Variants in CSMD3 observed in about 807,000 individuals in gnomAD.
CSMD3 encodes CUB and sushi domain-containing protein 3.
In CSMD3, 177 loss-of-function variants were observed where a neutral mutation model predicts 435.2. The ratio of observed to expected loss-of-function variants is 0.41; its 90% CI spans 0.36 to 0.46. The LOEUF (loss-of-function observed/expected upper bound fraction) is 0.46, where lower values mean the gene tolerates loss of function less well. Among genes scored for constraint, CSMD3 ranks in the 20% least tolerant of loss-of-function variants. The pLI, the probability that CSMD3 is intolerant of heterozygous loss-of-function variation, is 0.34. For synonymous variants in CSMD3, 1,656 were observed against 1,520.5 expected, an observed-to-expected ratio of 1.09 and a Z score of -2.07; for missense variants, 4,265 against 4,504.6, an observed-to-expected ratio of 0.95 and a Z score of 1.52.
At chr8:112,837,735 C>T (rs995842444) in intron 11 of CSMD3, among the ~76,000 whole-genome samples, 1 of 151,192 alleles carries the variant, frequency 6.6e-6, no homozygotes, top group Non-Finnish European at 1.5e-5. Flanking sequence ...TTCCCCCAAA[C>T]TCTATGTTGC....
intron 22 of CSMD3, among the ~76,000 whole-genome samples, chr8:112,633,248 C>A (rs149640363): frequency 6.6e-6 from 1 of 151,968 alleles, no homozygotes; most frequent in Non-Finnish European, 1.5e-5. Context: ...GACAAGCATA[C>A]GAAGTTCTCT....
At chr8:113,264,379 G>A (rs904429613) in intron 3 of CSMD3, among the ~76,000 whole-genome samples, 4 of 147,076 alleles carry the variant, frequency 2.7e-5, no homozygotes, top group Non-Finnish European at 4.5e-5. Context: ...CAGTTGATAA[G>A]TATAACACAT....
chr8:112,316,049 T>C (rs1386974349), intron 47 of CSMD3, among the ~76,000 whole-genome samples: 1 of 151,840 alleles, frequency 6.6e-6, no homozygotes, highest in Non-Finnish European at 1.5e-5. Flanking sequence ...AAAGAGTAAC[T>C]AACATAGTGG....
intron 47 of CSMD3, among the ~76,000 whole-genome samples, chr8:112,316,973 C>T (rs757691787): frequency 1.1e-4 from 17 of 151,914 alleles, no homozygotes; most frequent in South Asian, 2.1e-4. Flanking sequence ...TAATTCTAGC[C>T]GATTCCAAAC....
At chr8:112,448,534 C>T (rs1366182802) in intron 32 of CSMD3, among the ~76,000 whole-genome samples, 2 of 152,132 alleles carry the variant, frequency 1.3e-5, no homozygotes, top group Non-Finnish European at 2.9e-5. Context: ...ATGCTAAGGA[C>T]AGCCAGCAAG....
rs780004283 is a variant in CSMD3 at position 112,954,813 on chromosome 8, G to T, written c.1343-52C>A. ...GTATCAGGAAATACAATTTTAAAATGAAATTCAAGTTAACAAATTTTGTTA... is the reference window on the plus strand; with the variant it reads ...GTATCAGGAAATACAATTTTAAAATTAAATTCAAGTTAACAAATTTTGTTA... On this transcript the variant is annotated intron_variant, in intron 7 of 70. Coordinates refer to ENST00000297405, the MANE Select transcript of CSMD3 (RefSeq NM_198123.2). 3 of 1,126,844 alleles carry T rather than the reference G, an allele frequency of 2.7e-6. No homozygotes were observed. The South Asian group carries it at 3.8e-5, about 14-fold the overall frequency. The allele number at this position is 1,126,844 out of a possible 1,614,324, so 69.8% of individuals were successfully genotyped here. A position where few individuals can be genotyped will look rare whatever the true frequency, so the allele number is the denominator to read the frequency against.
intron 38 of CSMD3, among the ~76,000 whole-genome samples, chr8:112,362,112 A>G (rs1827303699): frequency 6.6e-6 from 1 of 151,964 alleles, no homozygotes. Flanking sequence ...GAGTTGGTGT[A>G]CTATTAATAG....
intron 6 of CSMD3, among the ~76,000 whole-genome samples, chr8:113,009,895 TAGC>T (rs1290164043): frequency 3.3e-5 from 5 of 151,772 alleles, no homozygotes; most frequent in African/African-American, 1.2e-4. Context: ...AAACCTGTAA[TAGC>T]AGATGGTATT....
chr8:112,937,677 C>T (rs964942462), intron 9 of CSMD3, among the ~76,000 whole-genome samples: 1 of 151,888 alleles, frequency 6.6e-6, no homozygotes, highest in Non-Finnish European at 1.5e-5. Flanking sequence ...AGGTGCCATC[C>T]CAAAGAGGCC....
intron 63 of CSMD3, among the ~76,000 whole-genome samples, chr8:112,253,548 A>T (rs529039525): frequency 1.3e-5 from 2 of 152,134 alleles, no homozygotes; most frequent in South Asian, 2.1e-4. Flanking sequence ...CCGGCAACAC[A>T]GGGCAATTGG....
At chr8:112,422,138 G>A (rs1018274461) in intron 32 of CSMD3, among the ~76,000 whole-genome samples, 1 of 151,892 alleles carries the variant, frequency 6.6e-6, no homozygotes, top group African/African-American at 2.4e-5. Context: ...AAAACTTAAG[G>A]TCAAACACAA....
chr8:112,859,763 A>G (rs181429323), intron 10 of CSMD3, among the ~76,000 whole-genome samples: 64 of 151,830 alleles, frequency 4.2e-4, no homozygotes, highest in Admixed American at 3.5e-3. Flanking sequence ...AAAAAAAAGC[A>G]GTTACATTTA....
chr8:113,013,454 T>C (rs541681537), intron 6 of CSMD3, among the ~76,000 whole-genome samples: 54 of 152,078 alleles, frequency 3.6e-4, no homozygotes, highest in Middle Eastern at 3.2e-3. Context: ...CTATAAGAAA[T>C]CTTTAGAGAA....
chr8:113,073,722 A>C (rs748449311), intron 5 of CSMD3, among the ~76,000 whole-genome samples: 1 of 151,802 alleles, frequency 6.6e-6, no homozygotes. Context: ...TTTCAGTAAA[A>C]ATATAGAAAA....
At chr8:112,611,695 T>C (rs547016830) in intron 22 of CSMD3, among the ~76,000 whole-genome samples, 174 of 152,248 alleles carry the variant, frequency 1.1e-3, no homozygotes, top group African/African-American at 4.1e-3. Flanking sequence ...CAACAACACA[T>C]GTTGAGTCAT....
chr8:113,270,839 G>C (rs1027891432), intron 3 of CSMD3, among the ~76,000 whole-genome samples: 7 of 151,922 alleles, frequency 4.6e-5, no homozygotes, highest in African/African-American at 1.5e-4. Flanking sequence ...GTGGGAGGAG[G>C]GGGGAGGGAT....
At chr8:112,631,841 C>T (rs767728794) in intron 22 of CSMD3, among the ~76,000 whole-genome samples, 5 of 151,964 alleles carry the variant, frequency 3.3e-5, no homozygotes, top group Non-Finnish European at 5.9e-5. Context: ...TGGCATCATC[C>T]TTTCCAGAAA....
intron 5 of CSMD3, among the ~76,000 whole-genome samples, chr8:113,026,735 A>G (rs1350212228): frequency 6.6e-6 from 1 of 152,220 alleles, no homozygotes; most frequent in East Asian, 1.9e-4. Context: ...TTCAATTTAT[A>G]TTATTATTAA....
intron 3 of CSMD3, among the ~76,000 whole-genome samples, chr8:113,176,349 C>T (rs999671350): frequency 1.3e-5 from 2 of 152,006 alleles, no homozygotes; most frequent in Non-Finnish European, 2.9e-5. Flanking sequence ...AACCACTGCT[C>T]ATGGATTATA....
Sources: gnomAD v4.1 joint callset for allele counts (sites outside exome capture counted in the v4.1 genomes callset) on GRCh38, gnomAD v4.1.1 for gene constraint, MANE v1.5 for transcripts, NCBI Gene and HGNC (gene_info 2026-07-23, HGNC 2026-07-21) for gene names.